Variants in TRIO observed in about 807,000 individuals in gnomAD.
TRIO encodes trio Rho guanine nucleotide exchange factor.
In TRIO, 58 loss-of-function variants were observed where a neutral mutation model predicts 351.9. The ratio of observed to expected loss-of-function variants is 0.16; its 90% CI spans 0.13 to 0.21. TRIO has a LOEUF of 0.21. Ranked by LOEUF, TRIO falls within the 10% of genes least tolerant of loss-of-function variation. The probability of loss-of-function intolerance (pLI) is 1.00; values close to 1 mark genes in which losing one functional copy is unlikely to be tolerated. For synonymous variants in TRIO, 1,758 were observed against 1,595.7 expected (o/e 1.10, Z -2.42); for missense variants, 3,201 against 4,027.8 (o/e 0.79, Z 5.56).
chr5:14,147,465 G>A (rs1787584336), intron 1 of TRIO, among the ~76,000 whole-genome samples: 1 of 152,186 alleles, frequency 6.6e-6, no homozygotes, highest in Admixed American at 6.5e-5. Flanking sequence ...TGTGTGTGTG[G>A]TGGAGGTGCT....
intron 34 of TRIO, among the ~76,000 whole-genome samples, chr5:14,454,097 T>C (rs1314033069): frequency 6.6e-6 from 1 of 152,102 alleles, no homozygotes; most frequent in Admixed American, 6.5e-5. Flanking sequence ...GCCAACTAAT[T>C]TTTGTAATTT....
chr5:14,489,256 T>C (rs1756295506), intron 48 of TRIO: 1 of 482,562 alleles, frequency 2.1e-6, no homozygotes, highest in South Asian at 3.3e-5. Flanking sequence ...CCTTTCCTAC[T>C]ATTTTTTGTT....
intron 1 of TRIO, among the ~76,000 whole-genome samples, chr5:14,175,190 A>G (rs894577524): frequency 1.3e-5 from 2 of 152,208 alleles, no homozygotes; most frequent in Non-Finnish European, 2.9e-5. Context: ...TGCTGGTTGG[A>G]ATTGAGATTA....
intron 1 of TRIO, among the ~76,000 whole-genome samples, chr5:14,193,606 A>G (rs371937805): frequency 1.3e-5 from 2 of 152,340 alleles, no homozygotes; most frequent in East Asian, 1.9e-4. Context: ...GTCACTATAT[A>G]TCCTCTAGAA....
intron 5 of TRIO, 93 bp from the exon 6 acceptor site, chr5:14,292,919 A>C (rs1737034877): frequency 1.3e-6 from 2 of 1,559,154 alleles, no homozygotes; most frequent in Non-Finnish European, 1.7e-6. Context: ...CAGGGAAGGA[A>C]GTTGCCCTTT....
intron 1 of TRIO, among the ~76,000 whole-genome samples, chr5:14,193,749 C>T (rs1396744732): frequency 2.6e-5 from 4 of 152,148 alleles, no homozygotes. Context: ...TTGATTATTT[C>T]CAGATACATT....
Position 14,401,002 on chromosome 5 carries a change from C to G in TRIO, c.4654C>G (p.Pro1552Ala). 3 of 1,613,956 alleles carry G rather than the reference C, an allele frequency of 1.9e-6. No homozygotes were observed. In the East Asian group the frequency reaches 6.7e-5, roughly 36 times the overall value. The stretch of plus-strand genomic sequence containing the variant: ...TGTCACAGAACATGTTGAAGGAGAC[C>G]CTTGCAAATTTGCACTGTGGGTGGG... Reference protein sequence around the residue: ...LGVTEHVEGDPCKFALWVGRT... With the variant: ...LGVTEHVEGDACKFALWVGRT... The change falls in exon 31 of 57, where the codon CCT (proline) becomes GCT (alanine). Residue 1552 changes from proline to alanine, a missense_variant. Physicochemically the swap from Pro to Ala is conservative, Grantham distance 27. Coordinates refer to ENST00000344204, the MANE Select transcript of TRIO (RefSeq NM_007118.4).
At chr5:14,360,353 G>A (rs1744036500) in intron 13 of TRIO, among the ~76,000 whole-genome samples, 2 of 152,136 alleles carry the variant, frequency 1.3e-5, no homozygotes, top group South Asian at 4.1e-4. Flanking sequence ...AATCACATGA[G>A]CACGAATTTA....
intron 4 of TRIO, 45 bp downstream of exon 4, chr5:14,287,108 G>T: frequency 6.3e-7 from 1 of 1,583,744 alleles, no homozygotes; most frequent in Non-Finnish European, 8.6e-7. Context: ...AGTTGGTGTG[G>T]TTTACTAAAA....
At chr5:14,317,896 G>C (rs980865856) in intron 9 of TRIO, among the ~76,000 whole-genome samples, 2 of 152,106 alleles carry the variant, frequency 1.3e-5, no homozygotes, top group African/African-American at 2.4e-5. Context: ...GGAGGCCAAG[G>C]GGGGTGGATC....
rs887593117 is a variant in TRIO at position 14,387,511 on chromosome 5, C to G, written c.3644C>G (p.Ala1215Gly). ...GFCEKGHAHA[A>G]EIKKCVTAVD... The stretch of plus-strand genomic sequence containing the variant: ...TGTGAAAAAGGGCATGCCCATGCGG[C>G]AGAGATAAAAAAATGTGTTACTGCT... Residue 1215 changes from alanine to glycine, a missense_variant, in exon 22 of 57, where the codon GCA (alanine) becomes GGA (glycine). Physicochemically the swap from Ala to Gly is moderately conservative, Grantham distance 60 (BLOSUM62 0). Coordinates refer to ENST00000344204, the MANE Select transcript of TRIO (RefSeq NM_007118.4). The G allele has an allele frequency of 6.2e-7, 1 of 1,614,054 alleles. No individual in the cohort carries two copies. The highest frequency in any genetic ancestry group is 1.3e-5 in the African/African-American group (1 of 74,926).
At chr5:14,174,453 T>A (rs921743750) in intron 1 of TRIO, among the ~76,000 whole-genome samples, 3 of 152,176 alleles carry the variant, frequency 2.0e-5, no homozygotes, top group African/African-American at 7.2e-5. Context: ...CGCCTGCCTC[T>A]CTATCTACCC....
chr5:14,231,357 A>G (rs1793415413), intron 1 of TRIO, among the ~76,000 whole-genome samples: 1 of 152,256 alleles, frequency 6.6e-6, no homozygotes, highest in African/African-American at 2.4e-5. Flanking sequence ...TGGCTTTTTC[A>G]ACAGATGTTG....
At chr5:14,156,746 C>G (rs1581244295) in intron 1 of TRIO, among the ~76,000 whole-genome samples, 1 of 152,196 alleles carries the variant, frequency 6.6e-6, no homozygotes, top group African/African-American at 2.4e-5. Flanking sequence ...CTGTTCAAAT[C>G]AGCAGTTAGT....
chr5:14,349,309 G>GT (rs1384455072), intron 11 of TRIO, among the ~76,000 whole-genome samples: 5 of 151,466 alleles, frequency 3.3e-5, no homozygotes, highest in East Asian at 2.0e-4. Context: ...TGTTTTTCCT[G>GT]TGTGTATATG....
At chr5:14,354,052 G>A (rs1743388515) in intron 11 of TRIO, among the ~76,000 whole-genome samples, 1 of 152,236 alleles carries the variant, frequency 6.6e-6, no homozygotes, top group Non-Finnish European at 1.5e-5. Flanking sequence ...TGAGTCAGGG[G>A]ACAGGCTGCT....
At chr5:14,164,542 C>T (rs1788651622) in intron 1 of TRIO, among the ~76,000 whole-genome samples, 1 of 152,176 alleles carries the variant, frequency 6.6e-6, no homozygotes, top group African/African-American at 2.4e-5. Context: ...TCATTGAGGG[C>T]ACAAAGGCTC....
At chr5:14,202,890 T>C (rs529874168) in intron 1 of TRIO, among the ~76,000 whole-genome samples, 1 of 152,034 alleles carries the variant, frequency 6.6e-6, no homozygotes, top group South Asian at 2.1e-4. Flanking sequence ...CGTGTATGTC[T>C]TTATCAGCCA....
Position 14,461,029 on chromosome 5 carries a change from C to T in TRIO, c.5214C>T (p.Ser1738=), listed in dbSNP as rs754385566. ...CTTTCTCCCTGGCAGACTCGCTCTC[C>T]GTCTCCAGCAATGACGCCAGTCCAC... ...EGIFNHKDSL[S]VSSNDASPPA... The change falls in exon 35 of 57, where the codon TCC becomes TCT. Residue 1738 remains serine, a synonymous_variant. Transcript: ENST00000344204. 1.3e-5 allele frequency: 21 copies of T among 1,571,092 alleles called. No homozygotes were observed. Among genetic ancestry groups the T allele is most frequent in the Middle Eastern group, 3.3e-4 (2 of 6,012 alleles).
Sources: gnomAD v4.1 joint callset for allele counts (sites outside exome capture counted in the v4.1 genomes callset) on GRCh38, gnomAD v4.1.1 for gene constraint, MANE v1.5 for transcripts, NCBI Gene and HGNC (gene_info 2026-07-23, HGNC 2026-07-21) for gene names.